Variants in ADGRL3 observed in about 807,000 individuals in gnomAD.
ADGRL3 encodes the protein calcium-independent alpha-latrotoxin receptor 3.
A neutral mutation model predicts 153.5 loss-of-function variants in ADGRL3; 62 were observed. The observed-to-expected ratio is 0.40, with a 90% CI of 0.33 to 0.50. ADGRL3 has a LOEUF of 0.50. ADGRL3 is among the 20% of genes least tolerant of loss of function. ADGRL3 has a pLI of 0.47. For synonymous variants in ADGRL3, 710 were observed against 672.5 expected (o/e 1.06, Z -0.86); for missense variants, 1,641 against 1,859.4 (o/e 0.88, Z 2.16).
intron 4 of ADGRL3, among the ~76,000 whole-genome samples, chr4:61,534,426 T>G (rs1296327527): frequency 6.6e-6 from 1 of 152,190 alleles, no homozygotes; most frequent in East Asian, 1.9e-4. Context: ...TCAGCCTCTT[T>G]TTTGATTCCG....
At chr4:61,699,977 CACAGAGAG>C (rs1039811723) in intron 6 of ADGRL3, among the ~76,000 whole-genome samples, 4 of 149,764 alleles carry the variant, frequency 2.7e-5, no homozygotes, top group African/African-American at 7.4e-5. Flanking sequence ...CAAAAACACA[CACAGAGAG>C]AGAGAGAGAG....
At chr4:61,380,909 T>C (rs1336379603) in intron 1 of ADGRL3, among the ~76,000 whole-genome samples, 2 of 152,028 alleles carry the variant, frequency 1.3e-5, no homozygotes, top group Non-Finnish European at 2.9e-5. Flanking sequence ...TAGAACAGTA[T>C]CATTTGATAT....
intron 5 of ADGRL3, among the ~76,000 whole-genome samples, chr4:61,611,744 G>C (rs2091378359): frequency 6.6e-6 from 1 of 152,016 alleles, no homozygotes; most frequent in East Asian, 1.9e-4. Flanking sequence ...AATATAGTGA[G>C]ACCTCATCTC....
intron 5 of ADGRL3, among the ~76,000 whole-genome samples, chr4:61,631,594 T>C (rs979159208): frequency 6.6e-6 from 1 of 152,066 alleles, no homozygotes; most frequent in Non-Finnish European, 1.5e-5. Context: ...CTCCACCCTA[T>C]ACATTACCGT....
chr4:61,627,376 G>T (rs1397008254), intron 5 of ADGRL3, among the ~76,000 whole-genome samples: 1 of 152,174 alleles, frequency 6.6e-6, no homozygotes, highest in Non-Finnish European at 1.5e-5. Context: ...CATTTTGGGA[G>T]GCAGAGGTGG....
At chr4:61,871,260 A>C (rs2149388660) in intron 9 of ADGRL3, among the ~76,000 whole-genome samples, 1 of 151,690 alleles carries the variant, frequency 6.6e-6, no homozygotes, top group African/African-American at 2.4e-5. Context: ...CCTGGGTGAC[A>C]GAGTGAGACT....
intron 17 of ADGRL3, among the ~76,000 whole-genome samples, chr4:61,976,871 C>T (rs1184168162): frequency 6.6e-6 from 1 of 152,086 alleles, no homozygotes; most frequent in Non-Finnish European, 1.5e-5. Flanking sequence ...ACTAATGCAC[C>T]ATTGTTCTTT....
intron 3 of ADGRL3, among the ~76,000 whole-genome samples, chr4:61,514,028 T>C (rs1178808696): frequency 6.6e-6 from 1 of 152,162 alleles, no homozygotes; most frequent in Admixed American, 6.5e-5. Flanking sequence ...GAAAGAATCC[T>C]TTCTCTTAAA....
intron 1 of ADGRL3, among the ~76,000 whole-genome samples, chr4:61,296,254 G>A (rs535138666): frequency 2.0e-5 from 3 of 152,232 alleles, no homozygotes; most frequent in East Asian, 1.9e-4. Flanking sequence ...GGAGTGCAGC[G>A]ATGAAAAATC....
intron 1 of ADGRL3, among the ~76,000 whole-genome samples, chr4:61,355,921 A>G (rs779598463): frequency 6.6e-6 from 1 of 152,180 alleles, no homozygotes; most frequent in South Asian, 2.1e-4. Flanking sequence ...GAAGCTCTTA[A>G]TGTGTAATAT....
At chr4:61,615,565 C>T (rs535241725) in intron 5 of ADGRL3, among the ~76,000 whole-genome samples, 2 of 134,534 alleles carry the variant, frequency 1.5e-5, no homozygotes, top group Non-Finnish European at 3.2e-5. Context: ...TTTTATACGT[C>T]GGTTGGAATA....
intron 3 of ADGRL3, among the ~76,000 whole-genome samples, chr4:61,500,029 C>CAGAGAGAGAGAGAGAG (rs10673228): frequency 0.022 from 3,098 of 140,442 alleles, 50 homozygotes; most frequent in Non-Finnish European, 0.029. Flanking sequence ...CACACAGAAA[C>CAGAGAGAGAGAGAGAG]AGAGAGAGAG....
At chr4:61,245,317 C>T (rs1756620247) in intron 1 of ADGRL3, among the ~76,000 whole-genome samples, 1 of 152,008 alleles carries the variant, frequency 6.6e-6, no homozygotes, top group South Asian at 2.1e-4. Flanking sequence ...CTATCATGCT[C>T]TTTGTATTTG....
intron 2 of ADGRL3, among the ~76,000 whole-genome samples, chr4:61,488,271 T>C (rs1195971475): frequency 6.6e-6 from 1 of 152,064 alleles, no homozygotes; most frequent in Non-Finnish European, 1.5e-5. Context: ...GTCTTCTAAC[T>C]TAGCATCAAG....
rs534606844 is a variant in ADGRL3 at position 61,619,940 on chromosome 4, G to A, written c.473+32500G>A. ...GGCAAATAGTTAAAATTTCATCTGT[G>A]TCAAGTTTCTTTTCTGGGAGTTTTT... On this transcript the variant is annotated intron_variant, in intron 5 of 26. Transcript: ENST00000683033. Among the ~76,000 whole-genome samples, 37 of 152,224 alleles carry A rather than the reference G, an allele frequency of 2.4e-4. No individual in the cohort carries two copies. The East Asian group carries it at 3.5e-3, about 14-fold the overall frequency.
At chr4:61,732,077 C>A (rs149432297) in intron 7 of ADGRL3, among the ~76,000 whole-genome samples, 15 of 152,190 alleles carry the variant, frequency 9.9e-5, no homozygotes, top group African/African-American at 3.6e-4. Context: ...ATCTTGGGTT[C>A]TTTTCTGTAA....
intron 4 of ADGRL3, among the ~76,000 whole-genome samples, chr4:61,585,151 A>G (rs1027230666): frequency 1.8e-4 from 27 of 151,998 alleles, no homozygotes; most frequent in African/African-American, 6.3e-4. Context: ...ATGTGTGTGC[A>G]CACAATAAAG....
chr4:62,037,692 G>T (rs768348039), intron 23 of ADGRL3, 39 bp from the exon 24 acceptor site: 4 of 1,612,016 alleles, frequency 2.5e-6, no homozygotes, highest in South Asian at 2.2e-5. Flanking sequence ...TACCTGCAAT[G>T]AATTACTTGC....
chr4:61,413,498 C>A (rs2152281968), intron 2 of ADGRL3, among the ~76,000 whole-genome samples: 1 of 152,164 alleles, frequency 6.6e-6, no homozygotes. Flanking sequence ...GGGGTTATAA[C>A]CTAGTGGAGA....
Sources: gnomAD v4.1 joint callset for allele counts (sites outside exome capture counted in the v4.1 genomes callset) on GRCh38, gnomAD v4.1.1 for gene constraint, MANE v1.5 for transcripts, NCBI Gene and HGNC (gene_info 2026-07-23, HGNC 2026-07-21) for gene names.